RPSA2: variants seen among roughly 807,000 people sequenced by gnomAD.
The protein encoded by RPSA2 is ribosomal protein SA 2.
At chr19:23,774,032 A>C in the RPSA2 span, among the ~76,000 whole-genome samples, 2 of 152,176 alleles carry the variant, frequency 1.3e-5, no homozygotes, top group African/African-American at 4.8e-5. Context: ...TGGAATAGTG[A>C]CATATTGCTG....
chr19:23,774,330 C>G, the RPSA2 span, among the ~76,000 whole-genome samples: 2 of 152,192 alleles, frequency 1.3e-5, no homozygotes, highest in African/African-American at 4.8e-5. Flanking sequence ...TTCCACTCAT[C>G]ATCAAAGTGA....
the RPSA2 span, among the ~76,000 whole-genome samples, chr19:23,791,093 G>C: frequency 6.6e-6 from 1 of 152,192 alleles, no homozygotes; most frequent in Admixed American, 6.5e-5. Flanking sequence ...GCAGAATCCT[G>C]ACTCAGGGTT....
chr19:23,821,535 T>G, the RPSA2 span, among the ~76,000 whole-genome samples: 1 of 152,220 alleles, frequency 6.6e-6, no homozygotes, highest in Admixed American at 6.5e-5. Context: ...CATGGGCTCC[T>G]GGGGGCCTAG....
chr19:23,815,845 A>G, the RPSA2 span, among the ~76,000 whole-genome samples: 1 of 152,336 alleles, frequency 6.6e-6, no homozygotes, highest in Admixed American at 6.5e-5. Flanking sequence ...ACATATACAT[A>G]CAGATAGGTA....
chr19:23,801,502 A>C, the RPSA2 span, among the ~76,000 whole-genome samples: 1 of 152,128 alleles, frequency 6.6e-6, no homozygotes, highest in African/African-American at 2.4e-5. Context: ...CGGCCTCCCA[A>C]AATGTTGGGA....
At chr19:23,805,940 A>G in the RPSA2 span, among the ~76,000 whole-genome samples, 2 of 152,160 alleles carry the variant, frequency 1.3e-5, no homozygotes, top group African/African-American at 4.8e-5. Flanking sequence ...CGTGATCTGC[A>G]ATATTAAAAA....
the RPSA2 span, among the ~76,000 whole-genome samples, chr19:23,836,126 G>T: frequency 2.0e-5 from 3 of 152,066 alleles, no homozygotes; most frequent in African/African-American, 7.2e-5. Context: ...CATCATATAT[G>T]TTGTCTTTTA....
chr19:23,761,009 A>ATGTG, the RPSA2 span, among the ~76,000 whole-genome samples: 143,805 of 148,552 alleles, frequency 0.97, 69,694 homozygotes, highest in East Asian at 0.99. Flanking sequence ...GTATAAATAT[A>ATGTG]TGTGTGTATA....
At chr19:23,790,778 A>G in the RPSA2 span, 1 of 517,404 alleles carries the variant, frequency 1.9e-6, no homozygotes, top group South Asian at 2.2e-5. Flanking sequence ...AGAAATGGTG[A>G]GATTGCCAGT....
At chr19:23,839,169 T>C in the RPSA2 span, among the ~76,000 whole-genome samples, 148,927 of 152,252 alleles carry the variant, frequency 0.98, 72,930 homozygotes, top group Middle Eastern at 1. Flanking sequence ...ATTTTTTAAT[T>C]TCCATATTGA....
the RPSA2 span, among the ~76,000 whole-genome samples, chr19:23,760,102 A>G: frequency 3.1e-4 from 47 of 152,248 alleles, no homozygotes; most frequent in East Asian, 7.9e-3. Flanking sequence ...AGAGCACAGG[A>G]GGTTCCTAAG....
chr19:23,804,400 C>CA, the RPSA2 span, among the ~76,000 whole-genome samples: 2 of 151,402 alleles, frequency 1.3e-5, no homozygotes, highest in Non-Finnish European at 2.9e-5. Context: ...GGGTTCACGG[C>CA]ATTCTCCTGC....
At chr19:23,816,427 GTAATT>G in the RPSA2 span, among the ~76,000 whole-genome samples, 3 of 152,040 alleles carry the variant, frequency 2.0e-5, no homozygotes, top group African/African-American at 7.2e-5. Flanking sequence ...TTTTTATTAA[GTAATT>G]TAATTTATAT....
chr19:23,826,232 T>TA, the RPSA2 span, among the ~76,000 whole-genome samples: 1 of 151,596 alleles, frequency 6.6e-6, no homozygotes, highest in Non-Finnish European at 1.5e-5. Context: ...CTTACTCTGC[T>TA]ACTCAGGCTG....
the RPSA2 span, among the ~76,000 whole-genome samples, chr19:23,765,501 A>C: frequency 1.3e-5 from 2 of 152,202 alleles, no homozygotes; most frequent in African/African-American, 2.4e-5. Context: ...TGTGGATGGA[A>C]CTGTAAGCCA....
the RPSA2 span, among the ~76,000 whole-genome samples, chr19:23,784,401 T>G: frequency 1.3e-5 from 2 of 152,224 alleles, no homozygotes; most frequent in Non-Finnish European, 2.9e-5. Flanking sequence ...CAGTTGGAAC[T>G]TTGACTGTCA....
chr19:23,821,201 T>C, the RPSA2 span, among the ~76,000 whole-genome samples: 2 of 152,212 alleles, frequency 1.3e-5, no homozygotes, highest in Non-Finnish European at 2.9e-5. Context: ...TTAGTTGCTG[T>C]CCTAGAGTTA....
chr19:23,870,629 C>T, the RPSA2 span, among the ~76,000 whole-genome samples: 2 of 152,192 alleles, frequency 1.3e-5, no homozygotes, highest in Non-Finnish European at 2.9e-5. Context: ...ATCCTTGGAA[C>T]TATCTAAAGT....
chr19:23,815,074 A>G, the RPSA2 span, among the ~76,000 whole-genome samples: 1 of 152,072 alleles, frequency 6.6e-6, no homozygotes, highest in African/African-American at 2.4e-5. Flanking sequence ...TCAAACTTTT[A>G]ACTCCAAGTG....
Sources: gnomAD v4.1 joint callset for allele counts (sites outside exome capture counted in the v4.1 genomes callset) on GRCh38, gnomAD v4.1.1 for gene constraint, MANE v1.5 for transcripts, NCBI Gene and HGNC (gene_info 2026-07-23, HGNC 2026-07-21) for gene names.